CCDC7: variants seen among roughly 807,000 people sequenced by gnomAD.
The protein encoded by CCDC7 is coiled-coil domain-containing protein 7.
In CCDC7, 183 loss-of-function variants were observed where a neutral mutation model predicts 196.9. That is an observed-to-expected ratio of 0.93 (90% CI 0.82 to 1.05). The LOEUF (loss-of-function observed/expected upper bound fraction) is 1.05, where lower values mean the gene tolerates loss of function less well. Among genes scored for constraint, CCDC7 ranks in the 50% least tolerant of loss-of-function variants. The probability of loss-of-function intolerance (pLI) is 0.00; values close to 1 mark genes in which losing one functional copy is unlikely to be tolerated. For synonymous variants in CCDC7, 525 were observed against 484.6 expected (o/e 1.08, Z -1.10); for missense variants, 1,540 against 1,482.2 (o/e 1.04, Z -0.64).
intron 29 of CCDC7, among the ~76,000 whole-genome samples, chr10:32,793,137 C>T (rs1315342582): frequency 1.3e-5 from 2 of 152,114 alleles, no homozygotes; most frequent in Non-Finnish European, 2.9e-5. Flanking sequence ...GTTAGTCATG[C>T]AATTCAGGGA....
chr10:32,677,942 G>C (rs189153400), intron 21 of CCDC7, among the ~76,000 whole-genome samples: 294 of 151,976 alleles, frequency 1.9e-3, no homozygotes, highest in Middle Eastern at 6.8e-3. Flanking sequence ...CAAAGGACCT[G>C]TCTTAGAGTT....
intron 13 of CCDC7, among the ~76,000 whole-genome samples, chr10:32,557,176 T>G (rs1421324635): frequency 6.6e-6 from 1 of 152,124 alleles, no homozygotes; most frequent in African/African-American, 2.4e-5. Flanking sequence ...TTTTTCTATT[T>G]TTGCTTGGCT....
chr10:32,619,801 G>A (rs760867485), intron 18 of CCDC7, among the ~76,000 whole-genome samples: 52 of 150,460 alleles, frequency 3.5e-4, no homozygotes, highest in Non-Finnish European at 6.8e-4. Flanking sequence ...GTCTTGCTAT[G>A]TTGCCCAGCC....
chr10:32,833,167 A>ATGTTGT (rs2092347113), intron 32 of CCDC7, among the ~76,000 whole-genome samples: 2 of 152,238 alleles, frequency 1.3e-5, no homozygotes, highest in East Asian at 1.9e-4. Flanking sequence ...AACAGTACAA[A>ATGTTGT]TGTCAGGAAG....
At chr10:32,757,874 A>AAGAG in intron 28 of CCDC7, among the ~76,000 whole-genome samples, 1 of 151,108 alleles carries the variant, frequency 6.6e-6, no homozygotes, top group Admixed American at 6.6e-5. Context: ...AATAAAGAAG[A>AAGAG]AGAGAAGAAT....
intron 24 of CCDC7, among the ~76,000 whole-genome samples, chr10:32,707,902 T>C (rs1042342109): frequency 3.9e-5 from 6 of 152,252 alleles, no homozygotes; most frequent in African/African-American, 1.4e-4. Flanking sequence ...CTGCCCAAGG[T>C]AATTTATAGA....
chr10:32,543,492 A>G (rs962785643), intron 12 of CCDC7, 107 bp downstream of exon 13: 4 of 1,061,382 alleles, frequency 3.8e-6, no homozygotes, highest in Non-Finnish European at 4.9e-6. Context: ...ATAATCTTTT[A>G]AAAACATAAA....
intron 21 of CCDC7, among the ~76,000 whole-genome samples, chr10:32,667,871 T>A (rs1216905046): frequency 6.6e-6 from 1 of 152,148 alleles, no homozygotes; most frequent in African/African-American, 2.4e-5. Flanking sequence ...TGGTTCCATA[T>A]GAACTTTAAA....
At chr10:32,566,942 G>A (rs2056890856) in intron 14 of CCDC7, among the ~76,000 whole-genome samples, 1 of 143,214 alleles carries the variant, frequency 7.0e-6, no homozygotes, top group African/African-American at 2.6e-5. Flanking sequence ...ATATGTATTA[G>A]CTATATATAT....
At position 32,764,705 on chromosome 10, in the gene CCDC7, A is replaced by G. The variant is rs530678963; in HGVS notation, c.2906-14272A>G. 3.9e-4 allele frequency among the ~76,000 whole-genome samples: 60 copies of G among 152,090 alleles called. 1 individual carries two copies. Among genetic ancestry groups the G allele is most frequent in the African/African-American group, 1.4e-3 (60 of 41,532 alleles). On this transcript the variant is annotated intron_variant, in intron 28 of 41. Coordinates refer to ENST00000639629, the Ensembl canonical transcript of CCDC7. ...TCCAGAGGACACACCTTTCACCACA[A>G]CTGTGAGAAATGTGAAGACAGCCCC...
At chr10:32,616,014 C>CTG (rs998386681) in intron 18 of CCDC7, among the ~76,000 whole-genome samples, 6 of 152,022 alleles carry the variant, frequency 3.9e-5, no homozygotes, top group Non-Finnish European at 8.8e-5. Flanking sequence ...TTCCATTGAT[C>CTG]TGTGTGTCTA....
intron 32 of CCDC7, among the ~76,000 whole-genome samples, chr10:32,828,027 A>C (rs1021725627): frequency 2.0e-5 from 3 of 152,168 alleles, no homozygotes; most frequent in Admixed American, 6.5e-5. Flanking sequence ...TCATCTATGT[A>C]ACAAAGACCT....
At chr10:32,818,926 A>C (rs543507803) in intron 31 of CCDC7, among the ~76,000 whole-genome samples, 1 of 152,204 alleles carries the variant, frequency 6.6e-6, no homozygotes, top group Non-Finnish European at 1.5e-5. Flanking sequence ...GAGCAAACAC[A>C]TTGAAAAGCT....
At chr10:32,640,663 T>C (rs1487629670) in intron 20 of CCDC7, among the ~76,000 whole-genome samples, 1 of 152,148 alleles carries the variant, frequency 6.6e-6, no homozygotes, top group African/African-American at 2.4e-5. Context: ...TTCCTTTCCA[T>C]GTTTAGTGCT....
chr10:32,882,781 T>A (rs1209629243), exon 23 of CCDC7: 6 of 152,184 alleles, frequency 3.9e-5, no homozygotes, highest in Admixed American at 2.0e-4. Flanking sequence ...TGTGATGAGG[T>A]TCCAGCTTAC....
chr10:32,873,185 T>G (rs922287201), intron 41 of CCDC7, among the ~76,000 whole-genome samples: 42 of 152,124 alleles, frequency 2.8e-4, no homozygotes, highest in African/African-American at 9.7e-4. Flanking sequence ...CAATCAGACA[T>G]AGATTTGGTC....
At chr10:32,625,314 A>G (rs1397222328) in intron 18 of CCDC7, among the ~76,000 whole-genome samples, 1 of 151,838 alleles carries the variant, frequency 6.6e-6, no homozygotes, top group African/African-American at 2.4e-5. Context: ...AATTGACCAT[A>G]TATGCCTCGG....
chr10:32,803,013 C>CT (rs2085112421), intron 29 of CCDC7, among the ~76,000 whole-genome samples: 1 of 152,218 alleles, frequency 6.6e-6, no homozygotes, highest in South Asian at 2.1e-4. Flanking sequence ...AGGAACAATA[C>CT]TTTGCATCCT....
At chr10:32,665,775 G>C (rs2072535436) in intron 21 of CCDC7, among the ~76,000 whole-genome samples, 1 of 151,924 alleles carries the variant, frequency 6.6e-6, no homozygotes, top group Non-Finnish European at 1.5e-5. Context: ...TTTTGATAGG[G>C]ATTAAATTCA....
Sources: allele counts gnomAD v4.1 joint callset (sites outside exome capture counted in the v4.1 genomes callset), GRCh38; gene constraint gnomAD v4.1.1; transcripts MANE v1.5; gene names NCBI Gene and HGNC (gene_info 2026-07-23, HGNC 2026-07-21).